The following COG5 variants were observed in gnomAD, a reference collection of about 807,000 sequenced individuals.
The protein encoded by COG5 is component of oligomeric golgi complex 5.
In COG5, 86 loss-of-function variants were observed where a neutral mutation model predicts 110.4. That is an observed-to-expected ratio of 0.78 (90% CI 0.65 to 0.93). The LOEUF (loss-of-function observed/expected upper bound fraction) is 0.93, where lower values mean the gene tolerates loss of function less well. Among genes scored for constraint, COG5 ranks in the 40% least tolerant of loss-of-function variants. The pLI, the probability that COG5 is intolerant of heterozygous loss-of-function variation, is 0.00. For missense variants in COG5, 1,077 were observed against 987.0 expected, an observed-to-expected ratio of 1.09 and a Z score of -1.22; for synonymous variants, 360 against 334.6, an observed-to-expected ratio of 1.08 and a Z score of -0.83.
chr7:107,403,073 CTT>C (rs1791554737), intron 7 of COG5, among the ~76,000 whole-genome samples: 1 of 151,964 alleles, frequency 6.6e-6, no homozygotes, highest in Non-Finnish European at 1.5e-5. Context: ...ATACAAAACA[CTT>C]AGGCAATTAA....
At chr7:107,554,373 G>A (rs1554463724) in intron 2 of COG5, 31 bp from the exon 3 acceptor site, 2 of 1,589,708 alleles carry the variant, frequency 1.3e-6, no homozygotes, top group African/African-American at 2.7e-5. Context: ...ATTAGCTTTT[G>A]CTCTGTTAGG....
At chr7:107,515,369 A>T (rs1476098178) in intron 6 of COG5, among the ~76,000 whole-genome samples, 1 of 152,080 alleles carries the variant, frequency 6.6e-6, no homozygotes, top group Non-Finnish European at 1.5e-5. Context: ...CAAGAACATT[A>T]AAAAAAAGAT....
intron 6 of COG5, among the ~76,000 whole-genome samples, chr7:107,516,920 A>C (rs528275323): frequency 6.6e-6 from 1 of 152,354 alleles, no homozygotes; most frequent in African/African-American, 2.4e-5. Context: ...AAAAATGCTG[A>C]AAATTCCAAT....
chr7:107,415,834 A>ATGTG (rs1171649751), intron 6 of COG5, among the ~76,000 whole-genome samples: 1 of 80,064 alleles, frequency 1.2e-5, no homozygotes, highest in African/African-American at 5.2e-5. Flanking sequence ...GTATGTATGT[A>ATGTG]TGTGTGTGTA....
At chr7:107,328,271 T>C (rs1006445130) in intron 10 of COG5, among the ~76,000 whole-genome samples, 1 of 152,194 alleles carries the variant, frequency 6.6e-6, no homozygotes, top group African/African-American at 2.4e-5. Context: ...ATGAATACTG[T>C]AGGTAATTGT....
intron 6 of COG5, among the ~76,000 whole-genome samples, chr7:107,448,480 A>G (rs1795142036): frequency 6.6e-6 from 1 of 152,102 alleles, no homozygotes; most frequent in Non-Finnish European, 1.5e-5. Flanking sequence ...CCACCTCTCT[A>G]GCTAATGCCT....
At chr7:107,467,506 C>G (rs1175360287) in intron 6 of COG5, among the ~76,000 whole-genome samples, 1 of 152,082 alleles carries the variant, frequency 6.6e-6, no homozygotes, top group Non-Finnish European at 1.5e-5. Flanking sequence ...GAGGCTTGTG[C>G]CACCATGCCT....
intron 3 of COG5, among the ~76,000 whole-genome samples, chr7:107,553,672 T>C (rs1031396774): frequency 2.6e-5 from 4 of 152,094 alleles, no homozygotes; most frequent in Non-Finnish European, 4.4e-5. Flanking sequence ...CATAAAAGAT[T>C]TAGTCAAACA....
intron 10 of COG5, among the ~76,000 whole-genome samples, chr7:107,344,055 T>C (rs1360804500): frequency 6.6e-6 from 1 of 152,162 alleles, no homozygotes; most frequent in South Asian, 2.1e-4. Context: ...GGTTTCCACT[T>C]AATGTTACCA....
At chr7:107,224,875 T>C (rs73187325) in intron 19 of COG5, among the ~76,000 whole-genome samples, 9,142 of 152,306 alleles carry the variant, frequency 0.06, 322 homozygotes, top group African/African-American at 0.087. Flanking sequence ...TATGAAAAGA[T>C]TCCCGCTGCC....
At chr7:107,376,519 AT>A (rs899925839) in intron 7 of COG5, among the ~76,000 whole-genome samples, 2 of 151,774 alleles carry the variant, frequency 1.3e-5, no homozygotes, top group African/African-American at 4.8e-5. Flanking sequence ...TATTTCTATT[AT>A]TTTTTGATAT....
chr7:107,433,099 A>G (rs977396982), intron 6 of COG5, among the ~76,000 whole-genome samples: 1 of 152,210 alleles, frequency 6.6e-6, no homozygotes, highest in African/African-American at 2.4e-5. Context: ...CATCAAAAAG[A>G]GTAAGACACT....
chr7:107,367,006 T>C (rs1293210094), intron 8 of COG5, among the ~76,000 whole-genome samples: 1 of 152,130 alleles, frequency 6.6e-6, no homozygotes, highest in Non-Finnish European at 1.5e-5. Context: ...CATTTGGTCA[T>C]AAATCTAAGC....
intron 7 of COG5, among the ~76,000 whole-genome samples, chr7:107,379,230 T>C (rs539740615): frequency 2.6e-5 from 4 of 152,250 alleles, no homozygotes; most frequent in Admixed American, 6.5e-5. Context: ...CTGAGAGATT[T>C]TGTCACCACC....
chr7:107,534,252 C>G (rs1004183961), intron 5 of COG5, among the ~76,000 whole-genome samples: 1 of 151,546 alleles, frequency 6.6e-6, no homozygotes. Flanking sequence ...GAAGAATCTG[C>G]ATCAACTAAT....
At chr7:107,441,259 A>G (rs1224395917) in intron 6 of COG5, among the ~76,000 whole-genome samples, 1 of 150,648 alleles carries the variant, frequency 6.6e-6, no homozygotes, top group Non-Finnish European at 1.5e-5. Context: ...CCGTCTCAAA[A>G]AAAAAAAAAA....
rs191091616 is a variant in COG5, at chr7:107,333,679, G to A, written c.1027-9158C>T. Among the ~76,000 whole-genome samples the A allele has an allele frequency of 7.2e-5, 11 of 152,244 alleles. No individual in the cohort carries two copies. The East Asian group carries it at 2.1e-3, about 29-fold the overall frequency. On this transcript the variant is annotated intron_variant, in intron 10 of 21. Transcript: ENST00000297135. ...GACTTTTTACAAAATAGTAACAGGT[G>A]TTGTCTCTGGATGAAAGGATTAAAT...
chr7:107,330,275 G>A (rs1458050853), intron 10 of COG5, among the ~76,000 whole-genome samples: 1 of 152,130 alleles, frequency 6.6e-6, no homozygotes, highest in Non-Finnish European at 1.5e-5. Flanking sequence ...ATGAAATTTG[G>A]ACTTTTGGCT....
rs1200439724 is a variant in COG5, at chr7:107,298,180, A to C, written c.1275T>G (p.Asp425Glu). The C allele has an allele frequency of 1.2e-6, 2 of 1,612,274 alleles. No individual in the cohort carries two copies. Among genetic ancestry groups the C allele is most frequent in the South Asian group, 1.1e-5 (1 of 90,750 alleles). ...LYVDLQHMED[D>E]AQDIFIPKKP... is the part of the protein sequence containing the mutation. ...TTTTTGGTATGAATATATCTTGTGC[A>C]TCATCTTCCATGTGTTGTAGGTCAA... The change falls in exon 12 of 22, where the codon GAT becomes GAG. Residue 425 changes from aspartate to glutamate, a missense_variant. Physicochemically the swap from Asp to Glu is conservative, Grantham distance 45. Transcript: ENST00000297135.
Sources: allele counts gnomAD v4.1 joint callset (sites outside exome capture counted in the v4.1 genomes callset), GRCh38; gene constraint gnomAD v4.1.1; transcripts MANE v1.5; gene names NCBI Gene and HGNC (gene_info 2026-07-23, HGNC 2026-07-21).